NSD2: variants seen among roughly 807,000 people sequenced by gnomAD.
NSD2 encodes nuclear receptor binding SET domain protein 2, also known as histone-lysine N-methyltransferase NSD2.
NSD2 carries 12 observed loss-of-function variants against 139.0 expected under a neutral mutation model. That is an observed-to-expected ratio of 0.09 (90% confidence interval 0.06 to 0.14). NSD2 has a LOEUF of 0.14. NSD2 is among the 10% of genes least tolerant of loss of function. The probability of loss-of-function intolerance (pLI) is 1.00; values close to 1 mark genes in which losing one functional copy is unlikely to be tolerated. For synonymous variants in NSD2, 669 were observed against 648.7 expected, an observed-to-expected ratio of 1.03 and a Z score of -0.48; for missense variants, 1,155 against 1,745.0, an observed-to-expected ratio of 0.66 and a Z score of 6.02.
At position 1,976,203 on chromosome 4, in the gene NSD2, CTG is replaced by C. The variant is rs1185830302; in HGVS notation, c.3622-266_3622-265del. 4.4e-6 allele frequency: 2 copies of C among 454,346 alleles called. No homozygotes were observed. The highest frequency in any genetic ancestry group is 8.0e-6 in the Non-Finnish European group (2 of 249,218). 28.1% of individuals were successfully genotyped at this position (454,346 alleles called of 1,614,324 possible). The stretch of plus-strand genomic sequence containing the variant: ...TGGGTCCCATCAGCAGATCCTGGAG[CTG>C]TGTGTCTGCTGAGATGCTGCTGAGA... On this transcript the variant is annotated intron_variant, in intron 20 of 21. Transcript: ENST00000508803. This position sits in a 1 kb window ranked among gnomAD's most constrained non-coding sequence, Gnocchi z 5.3.
chr4:1,934,393 G>T (rs1452604146), intron 6 of NSD2, among the ~76,000 whole-genome samples: 1 of 148,574 alleles, frequency 6.7e-6, no homozygotes, highest in Non-Finnish European at 1.5e-5. Context: ...CCTAGGAAAA[G>T]ATTTTTTTAA....
chr4:1,952,334 C>T (rs1724357263), intron 11 of NSD2, 103 bp downstream of exon 11: 1 of 1,515,594 alleles, frequency 6.6e-7, no homozygotes, highest in African/African-American at 1.4e-5. Context: ...GGACAAGCCC[C>T]CTCCCCACCC....
chr4:1,896,664 GCCTC>G lies in NSD2; in HGVS notation c.-29-3946_-29-3943del, dbSNP rs541359218. ...TACAAGTAGTGAACCACTGTGCCCGGCCTCCCTCCCTCCCTCCCTTCCTTCCCGA... is the reference window on the plus strand; with the variant it reads ...TACAAGTAGTGAACCACTGTGCCCGGCCTCCCTCCCTCCCTTCCTTCCCGA... On this transcript the variant is annotated intron_variant, in intron 1 of 21. Coordinates refer to ENST00000508803, the MANE Select transcript of NSD2 (RefSeq NM_001042424.3). Among the ~76,000 whole-genome samples, 4 of 149,676 alleles carry G rather than the reference GCCTC, an allele frequency of 2.7e-5. No homozygotes were observed. The South Asian group carries it at 6.3e-4, about 23-fold the overall frequency.
chr4:1,895,139 A>T (rs1716091154), intron 1 of NSD2, among the ~76,000 whole-genome samples: 4 of 152,158 alleles, frequency 2.6e-5, no homozygotes, highest in Non-Finnish European at 5.9e-5. Flanking sequence ...GCTGAATACT[A>T]CTCCACTGTG....
chr4:1,927,898 T>C (rs1721146678), intron 5 of NSD2, among the ~76,000 whole-genome samples: 1 of 151,738 alleles, frequency 6.6e-6, no homozygotes, highest in South Asian at 2.1e-4. Context: ...TTTTAAATTT[T>C]TATTTATTTT....
In NSD2 at chr4:1,978,794, TAGG is replaced by T. The variant is rs780552913; in HGVS notation, c.3984_3986del (p.Gly1329del). 2 of 1,613,074 alleles carry T rather than the reference TAGG, an allele frequency of 1.2e-6. No individual in the cohort carries two copies. The highest frequency in any genetic ancestry group is 2.2e-5 in the South Asian group (2 of 90,966). On this transcript the variant is annotated inframe_deletion, in exon 22 of 22. Coordinates refer to ENST00000508803, the MANE Select transcript of NSD2 (RefSeq NM_001042424.3). ...CGGTCCTACTGCTGTGAGCATGACT[TAGG>T]GGCGGCATCGGTCAGAAGCACCAAG...
chr4:1,913,939 GTTTTC>G (rs1435460904), intron 3 of NSD2, among the ~76,000 whole-genome samples: 2 of 152,156 alleles, frequency 1.3e-5, no homozygotes, highest in Non-Finnish European at 2.9e-5. Context: ...TCTTGGTTAA[GTTTTC>G]TTTTTTCCTG....
intron 9 of NSD2, among the ~76,000 whole-genome samples, chr4:1,949,753 G>T (rs540809820): frequency 6.8e-6 from 1 of 147,154 alleles, no homozygotes; most frequent in Non-Finnish European, 1.5e-5. Flanking sequence ...GACAGAGCAA[G>T]ACTCTGTCTC....
At chr4:1,953,214 C>G (rs775748104) in intron 11 of NSD2, 110 bp from the exon 12 acceptor site, 1 of 1,586,008 alleles carries the variant, frequency 6.3e-7, no homozygotes, top group Admixed American at 1.8e-5. Flanking sequence ...GGTGCTTTAG[C>G]AGCATGGCTG....
In NSD2 at chr4:1,924,324, A is replaced by G. The variant is rs116468055; in HGVS notation, c.1410+5701A>G. 2.6e-4 allele frequency among the ~76,000 whole-genome samples: 40 copies of G among 152,196 alleles called. No individual in the cohort carries two copies. In the East Asian group the frequency reaches 3.5e-3, roughly 13 times the overall value. On this transcript the variant is annotated intron_variant, in intron 5 of 21. Coordinates refer to ENST00000508803, the MANE Select transcript of NSD2 (RefSeq NM_001042424.3). The stretch of plus-strand genomic sequence containing the variant: ...CTGCGCAGGGTTGGTGAGGTGCTGT[A>G]TGCTCTTGGGCCCTGGAAGCAGGGT...
chr4:1,952,278 C>T (rs1398462964), intron 11 of NSD2, 47 bp downstream of exon 11: 1 of 1,607,484 alleles, frequency 6.2e-7, no homozygotes, highest in African/African-American at 1.3e-5. Flanking sequence ...CGGCCACCTG[C>T]TCCTGCAACC....
intron 9 of NSD2, chr4:1,947,170 C>T (rs1221260206): frequency 2.8e-6 from 3 of 1,064,558 alleles, no homozygotes; most frequent in Non-Finnish European, 1.1e-6. Flanking sequence ...GGCTCCTCCC[C>T]AGCACACTCC....
chr4:1,951,247 C>T, intron 10 of NSD2, 44 bp downstream of exon 10: 1 of 1,611,990 alleles, frequency 6.2e-7, no homozygotes, highest in Non-Finnish European at 8.5e-7. Flanking sequence ...TGGTGTCTGA[C>T]TGGGGCCCCG....
chr4:1,876,169 G>A (rs1403368731), intron 1 of NSD2, among the ~76,000 whole-genome samples: 1 of 151,624 alleles, frequency 6.6e-6, no homozygotes, highest in African/African-American at 2.4e-5. Context: ...AGCTGAGATC[G>A]CGCCACTGCC....
rs1239284510 is a variant in NSD2, at chr4:1,978,978, G to A, written c.*69G>A. On this transcript the variant is annotated 3_prime_UTR_variant, in exon 22 of 22. Transcript: ENST00000508803. ...GCCGGCCCTGCCTGCGGGAGAGGGC[G>A]AGCATGAACTGGCCCGGAGGACCCA... is the stretch of plus-strand genomic sequence containing the variant. The A allele has an allele frequency of 2.0e-5, 29 of 1,435,908 alleles. No homozygotes were observed. Among genetic ancestry groups the A allele is most frequent in the Non-Finnish European group, 2.7e-5 (29 of 1,093,392 alleles). The allele number at this position is 1,435,908 out of a possible 1,614,324, so 88.9% of individuals were successfully genotyped here.
Position 1,975,365 on chromosome 4 carries a change from T to A in NSD2, c.3586T>A (p.Ser1196Thr). ...AAAAACGGTCTGCCGGTGTGGAGCC[T>A]CCAATTGCAGTGGATTCCTCGGGGA... is the stretch of plus-strand genomic sequence containing the variant. The part of the protein sequence containing the change: ...NEKTVCRCGA[S>T]NCSGFLGDRP... Residue 1196 changes from serine (S) to threonine (T), a missense_variant, in exon 20 of 22, where the codon TCC (serine) becomes ACC (threonine). Transcript: ENST00000508803. 1 of 1,614,160 alleles carries A rather than the reference T, an allele frequency of 6.2e-7. No individual in the cohort carries two copies. Among genetic ancestry groups the A allele is most frequent in the Non-Finnish European group, 8.5e-7 (1 of 1,180,034 alleles).
At position 1,942,179 on chromosome 4, in the gene NSD2, C is replaced by T. The variant is rs1226565404; in HGVS notation, c.1881+2401C>T. On this transcript the variant is annotated intron_variant, in intron 9 of 21. Transcript: ENST00000508803. This position sits in a 1 kb window ranked among gnomAD's most constrained non-coding sequence, Gnocchi z 4.0. The stretch of plus-strand genomic sequence containing the variant: ...AAAATTTTTATTGGAATAATTATTA[C>T]ATGGTACTACATCACCCTGAGGAAG... 5 of 1,334,268 alleles carry T rather than the reference C, an allele frequency of 3.7e-6. No individual in the cohort carries two copies. Among genetic ancestry groups the T allele is most frequent in the Middle Eastern group, 2.8e-4 (1 of 3,606 alleles). The allele number at this position is 1,334,268 out of a possible 1,614,324, so 82.7% of individuals were successfully genotyped here. A position where few individuals can be genotyped will look rare whatever the true frequency, so the allele number is the denominator to read the frequency against.
Position 1,955,910 on chromosome 4 carries a change from G to A in NSD2, c.2675+61G>A. The A allele has an allele frequency of 6.2e-7, 1 of 1,610,252 alleles. No individual in the cohort carries two copies. Among genetic ancestry groups the A allele is most frequent in the Non-Finnish European group, 8.5e-7 (1 of 1,177,314 alleles). ...TCTGTTCACATGTGTTCGCTTTACA[G>A]TACTTAAAGTATTGAAATTATTATC... On this transcript the variant is annotated intron_variant, in intron 14 of 21. Transcript: ENST00000508803. This position sits in a 1 kb window ranked among gnomAD's most constrained non-coding sequence, Gnocchi z 4.7.
chr4:1,873,434 C>G (rs909695930), intron 1 of NSD2, among the ~76,000 whole-genome samples: 1 of 152,150 alleles, frequency 6.6e-6, no homozygotes, highest in East Asian at 1.9e-4. Flanking sequence ...ATAAGGTCAG[C>G]AGGCTGCAGG....
Sources: gnomAD v4.1 joint callset for allele counts (sites outside exome capture counted in the v4.1 genomes callset) on GRCh38, gnomAD v4.1.1 for gene constraint, Gnocchi (gnomAD v3.1) non-coding constraint, MANE v1.5 for transcripts, NCBI Gene and HGNC (gene_info 2026-07-23, HGNC 2026-07-21) for gene names.